The following UVSSA variants were observed in gnomAD, a reference collection of about 807,000 sequenced individuals.
The protein encoded by UVSSA is UV-stimulated scaffold protein A.
UVSSA carries 72 observed loss-of-function variants against 73.9 expected under a neutral mutation model. The ratio of observed to expected loss-of-function variants is 0.97; its 90% CI spans 0.81 to 1.19. The LOEUF is 1.19. UVSSA is among the 50% of genes most tolerant of loss of function. The pLI is 0.00. For missense variants in UVSSA, 1,150 were observed against 965.0 expected, an observed-to-expected ratio of 1.19 and a Z score of -2.54; for synonymous variants, 454 against 391.3, an observed-to-expected ratio of 1.16 and a Z score of -1.89.
exon 14 of UVSSA, chr4:1,394,709 T>G: frequency 6.3e-7 from 1 of 1,589,200 alleles, no homozygotes; most frequent in Non-Finnish European, 8.5e-7. Context: ...GCCCGCCTGC[T>G]CACACACGTG....
At chr4:1,370,066 T>C (rs952309861) in intron 8 of UVSSA, among the ~76,000 whole-genome samples, 5 of 152,260 alleles carry the variant, frequency 3.3e-5, no homozygotes, top group African/African-American at 4.8e-5. Flanking sequence ...GGAGTGTGTT[T>C]AGTGCCCTAA....
intron 10 of UVSSA, among the ~76,000 whole-genome samples, chr4:1,379,245 A>G (rs1324407502): frequency 6.6e-6 from 1 of 152,130 alleles, no homozygotes; most frequent in Non-Finnish European, 1.5e-5. Context: ...GCTGGCCCCA[A>G]CTGTGGCTGT....
chr4:1,373,114 C>G (rs1718340861), intron 8 of UVSSA, among the ~76,000 whole-genome samples: 1 of 152,258 alleles, frequency 6.6e-6, no homozygotes, highest in Non-Finnish European at 1.5e-5. Context: ...TCGGCACTTT[C>G]AAAGTGACCT....
At chr4:1,378,724 C>T (rs1719073866) in intron 10 of UVSSA, among the ~76,000 whole-genome samples, 1 of 152,202 alleles carries the variant, frequency 6.6e-6, no homozygotes. Flanking sequence ...CAGAATGCAT[C>T]GCTGCTTCTC....
chr4:1,365,538 C>G (rs957686381), intron 7 of UVSSA, among the ~76,000 whole-genome samples: 1 of 152,156 alleles, frequency 6.6e-6, no homozygotes, highest in Admixed American at 6.5e-5. Context: ...AGGAGGGAGG[C>G]GGGGGTGGCA....
rs754466000 is a variant in UVSSA, at chr4:1,369,451, TG to T, written c.1288+3021del. 3.3e-5 allele frequency among the ~76,000 whole-genome samples: 5 copies of T among 152,366 alleles called. No homozygotes were observed. In the East Asian group the frequency reaches 9.6e-4, roughly 29 times the overall value. ...ATAACACTAGTTTATATTCTGCCGC[TG>T]TTTTTTCAATTAAACGTGGGCGAAT... On this transcript the variant is annotated intron_variant, in intron 8 of 13. Coordinates refer to ENST00000389851, the MANE Select transcript of UVSSA (RefSeq NM_020894.4).
intron 8 of UVSSA, among the ~76,000 whole-genome samples, chr4:1,372,822 TCAC>T (rs1718276650): frequency 8.0e-5 from 3 of 37,572 alleles, no homozygotes; most frequent in African/African-American, 3.9e-4. Context: ...CTCAGGGCAC[TCAC>T]CTCCCGCGTC....
rs1397756162 is a variant in UVSSA at position 1,349,773 on chromosome 4, C to T, written c.348C>T (p.Ala116=). The part of the protein sequence containing the change: ...AQRLRQATTR[A]VEGWNEKFGE... ...GGCTGAGGCAGGCGACCACCCGGGC[C>T]GTGGAAGGGTGGAATGAGAAGTTTG... is the stretch of plus-strand genomic sequence containing the variant. The change falls in exon 3 of 14, where the codon GCC becomes GCT. Residue 116 remains alanine (A), a synonymous_variant. Coordinates refer to ENST00000389851, the MANE Select transcript of UVSSA (RefSeq NM_020894.4). The T allele has an allele frequency of 8.1e-6, 13 of 1,606,668 alleles. No individual in the cohort carries two copies. The highest frequency in any genetic ancestry group is 8.1e-5 in the African/African-American group (6 of 74,460).
At chr4:1,360,674 C>A (rs973609912) in intron 7 of UVSSA, among the ~76,000 whole-genome samples, 1 of 152,142 alleles carries the variant, frequency 6.6e-6, no homozygotes, top group African/African-American at 2.4e-5. Context: ...TTTCCCGCCC[C>A]CGTGAGCCGA....
intron 12 of UVSSA, among the ~76,000 whole-genome samples, chr4:1,382,427 G>A (rs1233184325): frequency 1.3e-5 from 2 of 152,312 alleles, no homozygotes; most frequent in Admixed American, 1.3e-4. Context: ...CCTTTCCCTG[G>A]TGCTAACCTC....
At chr4:1,372,807 C>T (rs111425030) in intron 8 of UVSSA, among the ~76,000 whole-genome samples, 10,305 of 51,022 alleles carry the variant, frequency 0.2, 2,542 homozygotes, top group East Asian at 0.41. Context: ...ACTCACCTCC[C>T]GCGTCTCAGG....
At chr4:1,344,725 C>T (rs923032294), upstream of UVSSA, among the ~76,000 whole-genome samples, 3 of 152,174 alleles carry the variant, frequency 2.0e-5, no homozygotes, top group Non-Finnish European at 4.4e-5. Flanking sequence ...AAGCGAATCA[C>T]CTAGTAAGAC....
intron 13 of UVSSA, chr4:1,384,385 GCC>G (rs1560490604): frequency 5.8e-6 from 1 of 171,238 alleles, no homozygotes. Flanking sequence ...CCCCAGCAGA[GCC>G]CAGCCCCAGC....
At chr4:1,367,962 C>A (rs975664129) in intron 8 of UVSSA, among the ~76,000 whole-genome samples, 6 of 152,274 alleles carry the variant, frequency 3.9e-5, no homozygotes, top group African/African-American at 1.4e-4. Flanking sequence ...CCTGGGGGTG[C>A]CTGAGCACAC....
At chr4:1,344,067 G>C (rs752439378), upstream of UVSSA, among the ~76,000 whole-genome samples, 3 of 151,984 alleles carry the variant, frequency 2.0e-5, no homozygotes, top group Non-Finnish European at 4.4e-5. Context: ...AGGGGGAGGA[G>C]GGGACAAGAA....
chr4:1,343,422 T>C (rs956723795), upstream of UVSSA, among the ~76,000 whole-genome samples: 9 of 152,132 alleles, frequency 5.9e-5, no homozygotes, highest in Admixed American at 3.9e-4. Context: ...ACATAGGAAT[T>C]TGGTAGGCAG....
intron 3 of UVSSA, among the ~76,000 whole-genome samples, chr4:1,350,455 G>A (rs944167784): frequency 3.4e-4 from 52 of 152,318 alleles, no homozygotes; most frequent in African/African-American, 1.2e-3. Flanking sequence ...TTCATGCTCA[G>A]GGTTTGTTTC....
intron 8 of UVSSA, among the ~76,000 whole-genome samples, chr4:1,373,371 G>A (rs995862161): frequency 2.0e-5 from 3 of 152,098 alleles, no homozygotes; most frequent in African/African-American, 7.2e-5. Flanking sequence ...TCCTTTTCAC[G>A]TTTGCTTTAT....
rs939112459 is a variant in UVSSA at position 1,347,748 on chromosome 4, C to T, written c.-15C>T. 5 of 225,606 alleles carry T rather than the reference C, an allele frequency of 2.2e-5. No individual in the cohort carries two copies. The highest frequency in any genetic ancestry group is 3.6e-5 in the Non-Finnish European group (4 of 112,232). The allele number at this position is 225,606 out of a possible 1,614,324, so 14.0% of individuals were successfully genotyped here. A position where few individuals can be genotyped will look rare whatever the true frequency, so the allele number is the denominator to read the frequency against. On this transcript the variant is annotated 5_prime_UTR_variant, in exon 1 of 14. Coordinates refer to ENST00000389851, the MANE Select transcript of UVSSA (RefSeq NM_020894.4). ...CTCTGCAGCCTTGCTGGAGGCTGCC[C>T]TGCGGAATCTGAGTGAATAAGGGAA...
Sources: gnomAD v4.1 joint callset for allele counts (sites outside exome capture counted in the v4.1 genomes callset) on GRCh38, gnomAD v4.1.1 for gene constraint, MANE v1.5 for transcripts, NCBI Gene and HGNC (gene_info 2026-07-23, HGNC 2026-07-21) for gene names.